The following UBE3A variants were observed in gnomAD, a reference collection of about 807,000 sequenced individuals.
UBE3A encodes ubiquitin protein ligase E3A.
A neutral mutation model predicts 83.4 loss-of-function variants in UBE3A; 6 were observed. That is an observed-to-expected ratio of 0.07 (90% CI 0.04 to 0.14). The LOEUF (loss-of-function observed/expected upper bound fraction) is 0.14. UBE3A is among the 10% of genes least tolerant of loss of function. The pLI is 1.00. For missense variants in UBE3A, 456 were observed against 1,036.1 expected (o/e 0.44, Z 7.69); for synonymous variants, 337 against 355.4 (o/e 0.95, Z 0.58).
At chr15:25,372,850 A>G (rs1595828896) in intron 5 of UBE3A, among the ~76,000 whole-genome samples, 2 of 152,336 alleles carry the variant, frequency 1.3e-5, no homozygotes, top group South Asian at 2.1e-4. Flanking sequence ...ATACCCTTAT[A>G]CATGTAGTGT....
chr15:25,339,405 G>A lies in UBE3A; in HGVS notation c.2499-148C>T, dbSNP rs2074350459. 5.1e-6 allele frequency: 5 copies of A among 983,518 alleles called. No individual in the cohort carries two copies. The East Asian group carries it at 1.4e-4, about 27-fold the overall frequency. The allele number at this position is 983,518 out of a possible 1,614,324, so 60.9% of individuals were successfully genotyped here. On this transcript the variant is annotated intron_variant, in intron 12 of 12. Transcript: ENST00000648336. ...TAATGCAAATCATAAACTTTTTGTT[G>A]TGTAACTACCAAGTTGCCTTTATCC...
At chr15:25,366,799 C>G (rs535505370) in intron 6 of UBE3A, among the ~76,000 whole-genome samples, 2 of 152,148 alleles carry the variant, frequency 1.3e-5, no homozygotes, top group African/African-American at 4.8e-5. Flanking sequence ...ACACCCCCAC[C>G]TGAGCTGAAC....
At chr15:25,413,000 A>G (rs1040469921) in intron 1 of UBE3A, 4 of 448,452 alleles carry the variant, frequency 8.9e-6, no homozygotes, top group Admixed American at 4.9e-5. Context: ...GCATTTTAAC[A>G]TATACTTCAC....
chr15:25,406,938 G>T, intron 3 of UBE3A: 3 of 346,264 alleles, frequency 8.7e-6, no homozygotes, highest in South Asian at 8.5e-5. Context: ...TTTCAATTTT[G>T]CACAAAATTA....
At chr15:25,416,341 G>A (rs1363216000) in intron 1 of UBE3A, among the ~76,000 whole-genome samples, 3 of 152,098 alleles carry the variant, frequency 2.0e-5, no homozygotes, top group Non-Finnish European at 1.5e-5. Flanking sequence ...AATATACAGC[G>A]ACTATCATAA....
At chr15:25,436,720 T>C (rs960051125) in intron 1 of UBE3A, among the ~76,000 whole-genome samples, 1 of 152,142 alleles carries the variant, frequency 6.6e-6, no homozygotes, top group Non-Finnish European at 1.5e-5. Flanking sequence ...CACCTCTGAC[T>C]AGTATGTACC....
chr15:25,431,028 A>G (rs1053965443), intron 1 of UBE3A, among the ~76,000 whole-genome samples: 6 of 152,220 alleles, frequency 3.9e-5, no homozygotes, highest in African/African-American at 1.4e-4. Context: ...AAATGCAGAA[A>G]TCTTGATTTA....
At chr15:25,418,256 T>A (rs921132980) in intron 1 of UBE3A, 2 of 152,050 alleles carry the variant, frequency 1.3e-5, no homozygotes, top group African/African-American at 4.8e-5. Flanking sequence ...AGACTTCTCA[T>A]CAAAAACAAA....
intron 6 of UBE3A, among the ~76,000 whole-genome samples, chr15:25,366,463 G>C (rs1216501247): frequency 6.6e-6 from 1 of 152,176 alleles, no homozygotes. Flanking sequence ...TTTTAGAGGG[G>C]ATTTTGCAGA....
intron 1 of UBE3A, among the ~76,000 whole-genome samples, chr15:25,433,881 C>T (rs563787913): frequency 1.3e-5 from 2 of 152,016 alleles, no homozygotes; most frequent in African/African-American, 2.4e-5. Context: ...AACCTGAACA[C>T]GGCAAGACCC....
chr15:25,402,790 C>T (rs1327545159), intron 4 of UBE3A, among the ~76,000 whole-genome samples: 2 of 152,176 alleles, frequency 1.3e-5, no homozygotes, highest in Non-Finnish European at 2.9e-5. Context: ...TGTGTCTTTT[C>T]TTATCTGTGT....
At chr15:25,414,000 G>A (rs1567132499) in intron 1 of UBE3A, among the ~76,000 whole-genome samples, 1 of 152,232 alleles carries the variant, frequency 6.6e-6, no homozygotes, top group South Asian at 2.1e-4. Context: ...TCTGCGCAAT[G>A]TCATCCATTC....
In UBE3A at chr15:25,410,332, T is replaced by A. The variant is rs148128057; in HGVS notation, c.-100-1125A>T. ...GGCCTTAGCTGAACTTTTCTGATTG[T>A]CACAGTTCAAATTTAGCAGGCCTCT... is the stretch of plus-strand genomic sequence containing the variant. On this transcript the variant is annotated intron_variant, in intron 2 of 12. Transcript: ENST00000648336. Among the ~76,000 whole-genome samples the A allele has an allele frequency of 1.7e-3, 255 of 152,292 alleles. 1 individual carries two copies. In the Middle Eastern group the frequency reaches 0.017, roughly 10 times the overall value.
At chr15:25,424,482 T>G (rs1299879507) in intron 1 of UBE3A, among the ~76,000 whole-genome samples, 1 of 152,208 alleles carries the variant, frequency 6.6e-6, no homozygotes, top group African/African-American at 2.4e-5. Flanking sequence ...CCTATCTTTA[T>G]GATCTCTTTT....
intron 4 of UBE3A, among the ~76,000 whole-genome samples, chr15:25,381,607 A>C (rs2082181037): frequency 6.6e-6 from 1 of 152,222 alleles, no homozygotes; most frequent in Non-Finnish European, 1.5e-5. Flanking sequence ...ATAAAATAGA[A>C]ACAACTGAAG....
chr15:25,418,364 A>G (rs1450617517), intron 1 of UBE3A: 1 of 152,188 alleles, frequency 6.6e-6, no homozygotes, highest in African/African-American at 2.4e-5. Flanking sequence ...GTACCTTTTT[A>G]TAATAGCTGG....
At chr15:25,430,659 T>A (rs2153182552) in intron 1 of UBE3A, among the ~76,000 whole-genome samples, 1 of 152,112 alleles carries the variant, frequency 6.6e-6, no homozygotes, top group African/African-American at 2.4e-5. Context: ...CTGAAAGAAC[T>A]AGAAAGTAGT....
intron 2 of UBE3A, among the ~76,000 whole-genome samples, chr15:25,410,731 G>A (rs2089821872): frequency 6.6e-6 from 1 of 152,042 alleles, no homozygotes; most frequent in Non-Finnish European, 1.5e-5. Context: ...TAATTGCAGG[G>A]GATTCCAATA....
intron 11 of UBE3A, among the ~76,000 whole-genome samples, chr15:25,352,371 G>A (rs894447016): frequency 1.3e-5 from 2 of 152,078 alleles, no homozygotes; most frequent in East Asian, 1.9e-4. Context: ...AGATACTGCC[G>A]GTTCAGTTTC....
Sources: gnomAD v4.1 joint callset for allele counts (sites outside exome capture counted in the v4.1 genomes callset) on GRCh38, gnomAD v4.1.1 for gene constraint, MANE v1.5 for transcripts, NCBI Gene and HGNC (gene_info 2026-07-23, HGNC 2026-07-21) for gene names.